ROBO2: variants seen among roughly 807,000 people sequenced by gnomAD.
The protein encoded by ROBO2 is roundabout homolog 2.
ROBO2 carries 53 observed loss-of-function variants against 160.8 expected under a neutral mutation model. That is an observed-to-expected ratio of 0.33 (90% confidence interval 0.26 to 0.41). The LOEUF (loss-of-function observed/expected upper bound fraction) is 0.41, where lower values mean the gene tolerates loss of function less well. Among genes scored for constraint, ROBO2 ranks in the 10% least tolerant of loss-of-function variants. ROBO2 has a pLI of 1.00. For synonymous variants in ROBO2, 664 were observed against 611.7 expected (o/e 1.09, Z -1.26); for missense variants, 1,577 against 1,722.4 (o/e 0.92, Z 1.49).
chr3:76,036,067 A>C (rs1477215801), intron 2 of ROBO2, among the ~76,000 whole-genome samples: 1 of 152,018 alleles, frequency 6.6e-6, no homozygotes, highest in African/African-American at 2.4e-5. Flanking sequence ...ATCAATTAAT[A>C]ACCATTTTTA....
At chr3:76,928,557 T>C (rs2149037653) in intron 2 of ROBO2, among the ~76,000 whole-genome samples, 1 of 152,164 alleles carries the variant, frequency 6.6e-6, no homozygotes, top group African/African-American at 2.4e-5. Flanking sequence ...CATTCAAGAT[T>C]CTCAGCCAAT....
intron 2 of ROBO2, among the ~76,000 whole-genome samples, chr3:76,298,505 A>G (rs1431546466): frequency 2.0e-5 from 3 of 152,196 alleles, no homozygotes; most frequent in Non-Finnish European, 4.4e-5. Context: ...CATGCCCTAC[A>G]TCAAGGGGTA....
intron 2 of ROBO2, among the ~76,000 whole-genome samples, chr3:77,411,771 T>A (rs2076823055): frequency 6.6e-6 from 1 of 152,184 alleles, no homozygotes; most frequent in Non-Finnish European, 1.5e-5. Context: ...ACTGGCTGTT[T>A]ATGGGGAGGA....
intron 2 of ROBO2, among the ~76,000 whole-genome samples, chr3:77,400,759 C>T (rs750296653): frequency 2.0e-5 from 3 of 152,034 alleles, no homozygotes; most frequent in Non-Finnish European, 4.4e-5. Flanking sequence ...CTCACATCTA[C>T]TCCATGAGGT....
rs2068448160 is a variant in ROBO2, at chr3:76,071,389, A to G, written c.109+133787A>G. ...CTTAATTACTACAGAGTTAACTATA[A>G]AAGCTATTATCTCATCAGTAACTAT... On this transcript the variant is annotated intron_variant, in intron 2 of 26. Transcript: ENST00000487694. 2.0e-5 allele frequency among the ~76,000 whole-genome samples: 3 copies of G among 152,180 alleles called. No homozygotes were observed. The South Asian group carries it at 6.2e-4, about 31-fold the overall frequency.
chr3:76,031,176 G>A (rs1268482912), intron 2 of ROBO2, among the ~76,000 whole-genome samples: 6 of 151,966 alleles, frequency 3.9e-5, no homozygotes, highest in African/African-American at 9.7e-5. Flanking sequence ...TTTGTTATTG[G>A]TGTATAGGAG....
intron 2 of ROBO2, among the ~76,000 whole-genome samples, chr3:76,889,350 T>C (rs961986693): frequency 2.0e-5 from 3 of 152,146 alleles, no homozygotes; most frequent in Non-Finnish European, 4.4e-5. Context: ...TCAAATCTTA[T>C]AAGAAATGGG....
At chr3:77,098,905 C>G (rs1249269045) in intron 2 of ROBO2, among the ~76,000 whole-genome samples, 1 of 151,434 alleles carries the variant, frequency 6.6e-6, no homozygotes, top group African/African-American at 2.4e-5. Flanking sequence ...AAAATTTTTG[C>G]ACTCTTCAGC....
chr3:76,246,459 G>T (rs1705627437), intron 2 of ROBO2, among the ~76,000 whole-genome samples: 1 of 152,090 alleles, frequency 6.6e-6, no homozygotes, highest in South Asian at 2.1e-4. Context: ...TAGTTACTCA[G>T]CATTTTCTGG....
intron 2 of ROBO2, among the ~76,000 whole-genome samples, chr3:77,363,006 T>G (rs141982544): frequency 1.3e-5 from 2 of 152,104 alleles, no homozygotes; most frequent in African/African-American, 4.8e-5. Flanking sequence ...CAAGATGAGA[T>G]TTGGGTGGGG....
At chr3:77,162,939 C>A (rs903010957) in intron 2 of ROBO2, among the ~76,000 whole-genome samples, 2 of 151,978 alleles carry the variant, frequency 1.3e-5, no homozygotes, top group African/African-American at 4.8e-5. Context: ...AAGCAATTGT[C>A]CTGACTCAGC....
intron 2 of ROBO2, among the ~76,000 whole-genome samples, chr3:76,529,846 C>A (rs2082132989): frequency 6.6e-6 from 1 of 152,102 alleles, no homozygotes; most frequent in African/African-American, 2.4e-5. Flanking sequence ...GACTTAGTAC[C>A]ATGGTGGTAA....
chr3:76,475,122 A>G lies in ROBO2; in HGVS notation c.109+537520A>G, dbSNP rs566225313. On this transcript the variant is annotated intron_variant, in intron 2 of 26. Coordinates refer to the ROBO2 transcript ENST00000487694. ...ATGTAATATAGCACGGGGGAAAAAA[A>G]GGGGGTAATATGAGATGATAGTTCA... 3.3e-5 allele frequency among the ~76,000 whole-genome samples: 5 copies of G among 151,998 alleles called. No homozygotes were observed. The East Asian group carries it at 5.8e-4, about 18-fold the overall frequency.
intron 2 of ROBO2, among the ~76,000 whole-genome samples, chr3:75,974,719 G>A (rs555284412): frequency 1.3e-5 from 2 of 151,600 alleles, no homozygotes; most frequent in Non-Finnish European, 3.0e-5. Context: ...TTTTACAAGA[G>A]ATTTATTGAA....
At chr3:76,129,611 C>T (rs1010057684) in intron 2 of ROBO2, among the ~76,000 whole-genome samples, 1 of 152,216 alleles carries the variant, frequency 6.6e-6, no homozygotes, top group Non-Finnish European at 1.5e-5. Flanking sequence ...TCAACATCCC[C>T]ACTAAGGCAT....
At chr3:76,456,390 G>C (rs373975791) in intron 2 of ROBO2, among the ~76,000 whole-genome samples, 14 of 152,196 alleles carry the variant, frequency 9.2e-5, no homozygotes, top group African/African-American at 3.4e-4. Context: ...ATATGTTATT[G>C]AATTATAACC....
chr3:77,065,742 G>A (rs1227354609), intron 1 of ROBO2, among the ~76,000 whole-genome samples: 1 of 152,090 alleles, frequency 6.6e-6, no homozygotes, highest in Admixed American at 6.6e-5. Flanking sequence ...ATTGAAATAT[G>A]AAGTCAAATA....
intron 2 of ROBO2, among the ~76,000 whole-genome samples, chr3:77,309,057 A>G (rs929077671): frequency 2.6e-5 from 1 of 38,068 alleles, no homozygotes; most frequent in African/African-American, 6.9e-5. Context: ...AGATTCGGCT[A>G]TTTATTGTTT....
chr3:77,359,788 C>G (rs1450407853), intron 2 of ROBO2, among the ~76,000 whole-genome samples: 1 of 152,150 alleles, frequency 6.6e-6, no homozygotes, highest in African/African-American at 2.4e-5. Flanking sequence ...AAGTGATCCT[C>G]TCACCTCAGC....
Sources: allele counts gnomAD v4.1 joint callset (sites outside exome capture counted in the v4.1 genomes callset), GRCh38; gene constraint gnomAD v4.1.1; transcripts MANE v1.5; gene names NCBI Gene and HGNC (gene_info 2026-07-23, HGNC 2026-07-21).